Variants in ACTG2 observed in about 807,000 individuals in gnomAD.
ACTG2 encodes actin gamma 2, smooth muscle.
Under a neutral mutation model 37.6 loss-of-function variants are expected in ACTG2, and 16 were observed. The observed-to-expected ratio is 0.43, with a 90% CI of 0.29 to 0.65. The LOEUF is 0.65. ACTG2 is among the 30% of genes least tolerant of loss of function. ACTG2 has a pLI of 0.18. For missense variants in ACTG2, 238 were observed against 490.9 expected (o/e 0.48, Z 4.87); for synonymous variants, 181 against 179.9 (o/e 1.01, Z -0.05).
intron 3 of ACTG2, among the ~76,000 whole-genome samples, chr2:73,905,347 G>GT (rs1679994924): frequency 5.3e-5 from 8 of 152,026 alleles, no homozygotes; most frequent in Admixed American, 5.2e-4. Flanking sequence ...TTAAAAAATC[G>GT]TAACTTTTAA....
intron 2 of ACTG2, chr2:73,901,678 C>A (rs752140530): frequency 9.4e-6 from 6 of 637,596 alleles, no homozygotes; most frequent in Non-Finnish European, 1.4e-5. Context: ...GAGCAGGACC[C>A]TTTAAATAGA....
chr2:73,903,074 G>T (rs1679927159), intron 3 of ACTG2: 1 of 211,750 alleles, frequency 4.7e-6, no homozygotes, highest in Admixed American at 5.4e-5. Flanking sequence ...CTCTCTCAGG[G>T]TTTCTAGAAG....
At chr2:73,894,064 T>C (rs1469218808) in intron 1 of ACTG2, among the ~76,000 whole-genome samples, 1 of 152,188 alleles carries the variant, frequency 6.6e-6, no homozygotes, top group African/African-American at 2.4e-5. Context: ...AGAATGCGTA[T>C]ATACAGCACT....
intron 3 of ACTG2, among the ~76,000 whole-genome samples, chr2:73,904,421 CA>C (rs1679962847): frequency 6.6e-6 from 1 of 151,930 alleles, no homozygotes; most frequent in Non-Finnish European, 1.5e-5. Context: ...CCTGTAATCC[CA>C]GCACTTTGGG....
rs76045636 is a variant in ACTG2 at position 73,899,990 on chromosome 2, G to A, written c.-36-1286G>A. ...AGCATCTACCTAGCCTTCAGACCTCGCGTTCTCAGGCCTGTGGTGCTGTCT... is the reference window on the plus strand; with the variant it reads ...AGCATCTACCTAGCCTTCAGACCTCACGTTCTCAGGCCTGTGGTGCTGTCT... On this transcript the variant is annotated intron_variant, in intron 1 of 8. Transcript: ENST00000345517. Among the ~76,000 whole-genome samples, 499 of 152,222 alleles carry A rather than the reference G, an allele frequency of 3.3e-3. 2 individuals carry two copies. The highest frequency in any genetic ancestry group is 0.011 in the African/African-American group (473 of 41,526).
intron 8 of ACTG2, among the ~76,000 whole-genome samples, chr2:73,917,932 C>A (rs1680303591): frequency 6.6e-6 from 1 of 152,132 alleles, no homozygotes; most frequent in African/African-American, 2.4e-5. Context: ...AGATTCTGGT[C>A]CAACAAGTCT....
At chr2:73,918,311 G>T (rs1401281775) in intron 8 of ACTG2, among the ~76,000 whole-genome samples, 1 of 152,132 alleles carries the variant, frequency 6.6e-6, no homozygotes, top group Non-Finnish European at 1.5e-5. Flanking sequence ...CCTAAGAGAA[G>T]CCAGAGTTTT....
intron 5 of ACTG2, among the ~76,000 whole-genome samples, chr2:73,910,228 A>ATC (rs1376599353): frequency 1.3e-5 from 2 of 150,792 alleles, no homozygotes; most frequent in African/African-American, 4.9e-5. Context: ...AAATATGTAT[A>ATC]TATATATATT....
Position 73,908,766 on chromosome 2 carries a change from AG to A in ACTG2, c.352del (p.Glu118LysfsTer3). ...TEAPLNPKAN[R>X]EKMTQIMFET... ...GGCTCCCCTAAATCCCAAGGCCAAC[AG>A]GGAAAAGATGACCCAGGTAAGAAGC... is the stretch of plus-strand genomic sequence containing the variant. On this transcript the variant is annotated frameshift_variant, in exon 4 of 9. Transcript: ENST00000345517. LOFTEE classifies it high-confidence loss of function. The A allele has an allele frequency of 6.2e-7, 1 of 1,613,462 alleles. No individual in the cohort carries two copies. The highest frequency in any genetic ancestry group is 8.5e-7 in the Non-Finnish European group (1 of 1,179,348).
Position 73,919,709 on chromosome 2 carries a change from A to T in ACTG2, c.*134A>T. On this transcript the variant is annotated 3_prime_UTR_variant, in exon 9 of 9. Coordinates refer to ENST00000345517, the MANE Select transcript of ACTG2 (RefSeq NM_001615.4). ...CTATGTCTCATACACAGTGCTAAGG[A>T]CTTTTCACACATTACTTTTAATCCA... 1 of 924,990 alleles carries T rather than the reference A, an allele frequency of 1.1e-6. No homozygotes were observed. Among genetic ancestry groups the T allele is most frequent in the Non-Finnish European group, 1.6e-6 (1 of 637,246 alleles). 57.3% of individuals were successfully genotyped at this position (924,990 alleles called of 1,614,324 possible).
chr2:73,904,763 GTGTGTGTGTGTGTGTATATATA>G (rs1214798471), intron 3 of ACTG2, among the ~76,000 whole-genome samples: 15 of 58,362 alleles, frequency 2.6e-4, no homozygotes, highest in South Asian at 5.5e-4. Context: ...GTGTGTGTGT[GTGTGTGTGTGTGTGTATATATA>G]TATATATATA....
intron 1 of ACTG2, among the ~76,000 whole-genome samples, chr2:73,896,004 T>C (rs2104799451): frequency 6.6e-6 from 1 of 152,326 alleles, no homozygotes; most frequent in Non-Finnish European, 1.5e-5. Flanking sequence ...CCATGGGTCA[T>C]GAAATATTTT....
chr2:73,908,628 G>T, intron 3 of ACTG2, 45 bp from the exon 4 acceptor site: 1 of 1,485,316 alleles, frequency 6.7e-7, no homozygotes, highest in Non-Finnish European at 9.2e-7. Flanking sequence ...GAATTTTCCA[G>T]CCATTGGGAG....
At chr2:73,906,593 G>T (rs1019344641) in intron 3 of ACTG2, among the ~76,000 whole-genome samples, 9 of 152,074 alleles carry the variant, frequency 5.9e-5, no homozygotes, top group African/African-American at 2.2e-4. Context: ...GAATCCTCTT[G>T]CCTCTGTCTC....
chr2:73,905,713 A>G (rs369852529), intron 3 of ACTG2, among the ~76,000 whole-genome samples: 105 of 152,304 alleles, frequency 6.9e-4, no homozygotes, highest in African/African-American at 2.5e-3. Context: ...AATAACAGAA[A>G]TCAGAAAGTC....
At chr2:73,911,390 G>T (rs188041903) in intron 5 of ACTG2, among the ~76,000 whole-genome samples, 1 of 152,002 alleles carries the variant, frequency 6.6e-6, no homozygotes, top group East Asian at 1.9e-4. Flanking sequence ...CCAGCTACTC[G>T]GTAGGCTGAA....
intron 5 of ACTG2, 71 bp downstream of exon 5, chr2:73,909,210 G>T: frequency 7.2e-7 from 1 of 1,381,480 alleles, no homozygotes; most frequent in Non-Finnish European, 1.0e-6. Flanking sequence ...TCTGGCAGAG[G>T]CTCCTGCTCA....
intron 1 of ACTG2, among the ~76,000 whole-genome samples, chr2:73,901,056 G>A (rs1679860844): frequency 6.6e-6 from 1 of 152,194 alleles, no homozygotes; most frequent in African/African-American, 2.4e-5. Flanking sequence ...TCTGTGTACT[G>A]GGGGTTAGGA....
chr2:73,910,516 T>TTTTA (rs1680108621), intron 5 of ACTG2, among the ~76,000 whole-genome samples: 1 of 138,834 alleles, frequency 7.2e-6, no homozygotes, highest in African/African-American at 2.7e-5. Flanking sequence ...TTTTTTTTTT[T>TTTTA]GAGATGAAGT....
Sources: allele counts gnomAD v4.1 joint callset (sites outside exome capture counted in the v4.1 genomes callset), GRCh38; gene constraint gnomAD v4.1.1; transcripts MANE v1.5; gene names NCBI Gene and HGNC (gene_info 2026-07-23, HGNC 2026-07-21).